The following ZNF146 variants were observed in gnomAD, a reference collection of about 807,000 sequenced individuals.
ZNF146 encodes zinc finger protein 146, also known as zinc finger protein OZF.
In ZNF146, 9 loss-of-function variants were observed where a neutral mutation model predicts 22.2. The observed-to-expected ratio is 0.41, with a 90% CI of 0.24 to 0.71. ZNF146 has a LOEUF of 0.71. ZNF146 is among the 30% of genes least tolerant of loss of function. ZNF146 has a pLI of 0.34. For missense variants in ZNF146, 194 were observed against 344.8 expected (o/e 0.56, Z 3.46); for synonymous variants, 108 against 119.2 (o/e 0.91, Z 0.61).
rs548728351 is a variant in ZNF146, at chr19:36,223,654, C to T, written c.-854-5094C>T. On this transcript the variant is annotated intron_variant, in intron 2 of 3. Transcript: ENST00000443387. ...CTGGGATTACAGGCGTGAGCCACCG[C>T]GCGTGGCTGATTCATCAGTCTTTTA... Among the ~76,000 whole-genome samples, 3 of 142,398 alleles carry T rather than the reference C, an allele frequency of 2.1e-5. No homozygotes were observed. In the East Asian group the frequency reaches 6.5e-4, roughly 31 times the overall value. The allele number at this position is 142,398 out of a possible 152,430, so 93.4% of individuals were successfully genotyped here.
chr19:36,228,173 A>G (rs1056541310), intron 2 of ZNF146, among the ~76,000 whole-genome samples: 1 of 148,548 alleles, frequency 6.7e-6, no homozygotes, highest in Non-Finnish European at 1.5e-5. Flanking sequence ...AAAAAAAAAA[A>G]AAAAGAAAGA....
chr19:36,238,382 G>T lies in ZNF146; in HGVS notation c.*1063G>T, dbSNP rs576047337. 11 of 167,112 alleles carry T rather than the reference G, an allele frequency of 6.6e-5. No homozygotes were observed. Among genetic ancestry groups the T allele is most frequent in the Non-Finnish European group, 1.2e-4 (8 of 68,132 alleles). The allele number at this position is 167,112 out of a possible 1,614,324, so 10.4% of individuals were successfully genotyped here. A position where few individuals can be genotyped will look rare whatever the true frequency, so the allele number is the denominator to read the frequency against. ...TCTTGATAGTGGTCACCTGTGAAGAGTGGAGAAGGGAAAATAATGAGTGTG... is the reference window on the plus strand; with the variant it reads ...TCTTGATAGTGGTCACCTGTGAAGATTGGAGAAGGGAAAATAATGAGTGTG... On this transcript the variant is annotated 3_prime_UTR_variant, in exon 4 of 4. Transcript: ENST00000443387.
At chr19:36,218,510 G>C (rs184355432) in intron 2 of ZNF146, among the ~76,000 whole-genome samples, 502 of 151,838 alleles carry the variant, frequency 3.3e-3, no homozygotes, top group African/African-American at 0.012. Flanking sequence ...CTGTCGCCCA[G>C]GCTGCAGTGC....
Position 36,237,716 on chromosome 19 carries a change from C to T in ZNF146, c.*397C>T, listed in dbSNP as rs1290602098. The stretch of plus-strand genomic sequence containing the variant: ...TCATCTACAACTAATATTAAGACTC[C>T]TGTGGTATTGATTGAGCAGAGCAGA... On this transcript the variant is annotated 3_prime_UTR_variant, in exon 4 of 4. Transcript: ENST00000443387. The T allele has an allele frequency of 3.4e-5, 6 of 177,630 alleles. No individual in the cohort carries two copies. The highest frequency in any genetic ancestry group is 6.7e-5 in the Non-Finnish European group (5 of 74,904). The allele number at this position is 177,630 out of a possible 1,614,324, so 11.0% of individuals were successfully genotyped here.
At chr19:36,222,778 C>CTTTTTTTTTTTTTTTTTTTT (rs55668684) in intron 2 of ZNF146, among the ~76,000 whole-genome samples, 2 of 100,886 alleles carry the variant, frequency 2.0e-5, no homozygotes, top group Non-Finnish European at 4.0e-5. Context: ...TGAGTGGTGG[C>CTTTTTTTTTTTTTTTTTTTT]TTTTTTTTTT....
chr19:36,227,183 G>T (rs1281382243), intron 2 of ZNF146, among the ~76,000 whole-genome samples: 1 of 151,938 alleles, frequency 6.6e-6, no homozygotes, highest in East Asian at 1.9e-4. Flanking sequence ...GAGGTCAGGG[G>T]TTCAAGACCA....
intron 2 of ZNF146, among the ~76,000 whole-genome samples, chr19:36,225,752 C>CTTTTTTT: frequency 1.5e-5 from 1 of 66,728 alleles, no homozygotes; most frequent in Non-Finnish European, 2.8e-5. Flanking sequence ...CTTTGTGATT[C>CTTTTTTT]TTTTTTTTTT....
At chr19:36,229,985 G>C (rs763965533) in intron 3 of ZNF146, among the ~76,000 whole-genome samples, 9 of 152,204 alleles carry the variant, frequency 5.9e-5, no homozygotes, top group Non-Finnish European at 1.2e-4. Context: ...CTCTCAAAGT[G>C]CTGGGATTAC....
chr19:36,227,164 G>A (rs1977104875), intron 2 of ZNF146, among the ~76,000 whole-genome samples: 1 of 151,890 alleles, frequency 6.6e-6, no homozygotes, highest in African/African-American at 2.4e-5. Flanking sequence ...AGAGGTGGGC[G>A]GATCACCTGA....
chr19:36,220,586 G>T (rs930926357), intron 2 of ZNF146, among the ~76,000 whole-genome samples: 1 of 152,022 alleles, frequency 6.6e-6, no homozygotes. Context: ...GGATGGTCTC[G>T]ATCTCCTAAC....
chr19:36,226,487 G>T (rs1977072682), intron 2 of ZNF146, among the ~76,000 whole-genome samples: 1 of 152,148 alleles, frequency 6.6e-6, no homozygotes, highest in African/African-American at 2.4e-5. Flanking sequence ...GTACAGAGAA[G>T]TCCCATGTAT....
intron 2 of ZNF146, among the ~76,000 whole-genome samples, chr19:36,223,291 C>T (rs937091412): frequency 4.0e-5 from 6 of 150,290 alleles, no homozygotes; most frequent in Admixed American, 1.3e-4. Flanking sequence ...TTGTGGTGCA[C>T]GAGATCACAC....
chr19:36,222,404 C>T (rs555121411), intron 2 of ZNF146, among the ~76,000 whole-genome samples: 18 of 152,196 alleles, frequency 1.2e-4, no homozygotes, highest in Non-Finnish European at 2.5e-4. Flanking sequence ...TTTTTATGTG[C>T]GCCATTTTAT....
At chr19:36,226,714 G>T (rs35511220) in intron 2 of ZNF146, among the ~76,000 whole-genome samples, 1 of 152,128 alleles carries the variant, frequency 6.6e-6, no homozygotes, top group Non-Finnish European at 1.5e-5. Flanking sequence ...GTTTAACATT[G>T]ATACATTAGT....
rs1426729148 is a variant in ZNF146, at chr19:36,236,180, A to G, written c.-261A>G. ...AATCTCATTGAGAAGCAGAAAATTC[A>G]TGCTGGAGAGAAACTAGTGAAGGTA... On this transcript the variant is annotated 5_prime_UTR_variant, in exon 4 of 4. An upstream start codon of the reference 5' UTR is lost. Coordinates refer to ENST00000443387, the MANE Select transcript of ZNF146 (RefSeq NM_007145.3). 5 of 385,252 alleles carry G rather than the reference A, an allele frequency of 1.3e-5. No homozygotes were observed. Among genetic ancestry groups the G allele is most frequent in the African/African-American group, 8.4e-5 (4 of 47,792 alleles). 23.9% of individuals were successfully genotyped at this position (385,252 alleles called of 1,614,324 possible).
At chr19:36,221,284 C>CTTTTTTTTT (rs74172797) in intron 2 of ZNF146, among the ~76,000 whole-genome samples, 8 of 98,702 alleles carry the variant, frequency 8.1e-5, no homozygotes, top group African/African-American at 1.7e-4. Flanking sequence ...TAAGGGACTG[C>CTTTTTTTTT]TTTTTTTTTT....
chr19:36,228,383 G>C (rs1331615106), intron 2 of ZNF146: 1 of 152,200 alleles, frequency 6.6e-6, no homozygotes, highest in East Asian at 1.9e-4. Flanking sequence ...TCAGGACCCT[G>C]AGTGGGAGTG....
At chr19:36,232,713 A>AT (rs1977440555) in intron 3 of ZNF146, among the ~76,000 whole-genome samples, 1 of 149,214 alleles carries the variant, frequency 6.7e-6, no homozygotes, top group Non-Finnish European at 1.5e-5. Context: ...GTTTCAAGTG[A>AT]TTCTCCTGTC....
chr19:36,232,728 C>T (rs906503574), intron 3 of ZNF146, among the ~76,000 whole-genome samples: 6 of 151,680 alleles, frequency 4.0e-5, no homozygotes, highest in Admixed American at 3.9e-4. Flanking sequence ...CCTGTCTCAG[C>T]CTCTTGAGTA....
Sources: gnomAD v4.1 joint callset for allele counts (sites outside exome capture counted in the v4.1 genomes callset) on GRCh38, gnomAD v4.1.1 for gene constraint, MANE v1.5 for transcripts, NCBI Gene and HGNC (gene_info 2026-07-23, HGNC 2026-07-21) for gene names.